The following EDN3 variants were observed in gnomAD, a reference collection of about 807,000 sequenced individuals.
EDN3 encodes the protein endothelin-3.
EDN3 carries 9 observed loss-of-function variants against 21.4 expected under a neutral mutation model. The ratio of observed to expected loss-of-function variants is 0.42; its 90% confidence interval spans 0.25 to 0.73. The LOEUF (loss-of-function observed/expected upper bound fraction) is 0.73, where lower values mean the gene tolerates loss of function less well. Ranked by LOEUF, EDN3 falls within the 30% of genes least tolerant of loss-of-function variation. EDN3 has a pLI of 0.26. For synonymous variants in EDN3, 133 were observed against 126.2 expected (o/e 1.05, Z -0.36); for missense variants, 327 against 309.4 (o/e 1.06, Z -0.43).
At chr20:59,316,785 C>G (rs1199967781) in intron 2 of EDN3, among the ~76,000 whole-genome samples, 2 of 152,130 alleles carry the variant, frequency 1.3e-5, no homozygotes, top group East Asian at 3.8e-4. Context: ...GTCACCACAC[C>G]AATCAAATAA....
intron 2 of EDN3, 108 bp downstream of exon 2, chr20:59,301,830 C>A (rs1426888751): frequency 1.6e-6 from 2 of 1,284,712 alleles, no homozygotes; most frequent in African/African-American, 1.5e-5. Context: ...TAGCCCAGAG[C>A]CTGCCCTGGC....
chr20:59,322,496 G>A lies in EDN3; in HGVS notation c.588+79G>A. The stretch of plus-strand genomic sequence containing the variant: ...ATTCCTTCGGGGGTGGGTGGAGGGT[G>A]TTTTGAGGGGATGGCATCTGGTCTG... On this transcript the variant is annotated intron_variant, in intron 4 of 4. Coordinates refer to ENST00000337938, the MANE Select transcript of EDN3 (RefSeq NM_207034.3). The surrounding 1 kb of genome is among the most constrained non-coding windows in gnomAD (Gnocchi z 4.1). 1.9e-6 allele frequency: 3 copies of A among 1,586,078 alleles called. No homozygotes were observed. Among genetic ancestry groups the A allele is most frequent in the Non-Finnish European group, 1.7e-6 (2 of 1,155,594 alleles).
intron 4 of EDN3, among the ~76,000 whole-genome samples, chr20:59,323,474 C>T (rs1040716417): frequency 6.6e-6 from 1 of 152,200 alleles, no homozygotes; most frequent in Non-Finnish European, 1.5e-5. Context: ...GCACCATTCT[C>T]GATGCTGGGG....
At chr20:59,304,021 T>A (rs1418993289) in intron 2 of EDN3, among the ~76,000 whole-genome samples, 1 of 152,096 alleles carries the variant, frequency 6.6e-6, no homozygotes, top group Non-Finnish European at 1.5e-5. Context: ...CTTCCCTCCC[T>A]TCCTGCCTCC....
At chr20:59,321,240 C>T (rs1224323867) in intron 3 of EDN3, 47 bp downstream of exon 3, 3 of 1,604,182 alleles carry the variant, frequency 1.9e-6, no homozygotes, top group Non-Finnish European at 2.6e-6. Flanking sequence ...ATGCATCAAC[C>T]CTCGGCAAGG....
intron 4 of EDN3, 110 bp from the exon 5 acceptor site, chr20:59,324,221 T>C: frequency 7.2e-7 from 1 of 1,384,562 alleles, no homozygotes; most frequent in Non-Finnish European, 1.0e-6. Context: ...GGGAACAGGC[T>C]GGAGAGGCAG....
In EDN3 at chr20:59,320,482, G is replaced by T. The variant is rs558690621; in HGVS notation, c.366-535G>T. On this transcript the variant is annotated intron_variant, in intron 2 of 4. Transcript: ENST00000337938. ...CTTGGCACAGGAAGAAAAGCCTCTG[G>T]AACAGGTGCTATGGTTGTCTTTAAT... 3.3e-5 allele frequency among the ~76,000 whole-genome samples: 5 copies of T among 152,342 alleles called. No individual in the cohort carries two copies. In the South Asian group the frequency reaches 1.0e-3, roughly 32 times the overall value.
chr20:59,314,197 C>T (rs1373428851), intron 2 of EDN3, among the ~76,000 whole-genome samples: 1 of 152,194 alleles, frequency 6.6e-6, no homozygotes, highest in African/African-American at 2.4e-5. Flanking sequence ...CTCCAGCCAG[C>T]TTACTGTGCT....
intron 3 of EDN3, 82 bp downstream of exon 3, chr20:59,321,275 G>A: frequency 6.7e-7 from 1 of 1,486,528 alleles, no homozygotes; most frequent in Non-Finnish European, 9.4e-7. Flanking sequence ...TCTCAAAGGA[G>A]GGTGTAGGAT....
Position 59,322,587 on chromosome 20 carries a change from G to A in EDN3, c.588+170G>A, listed in dbSNP as rs1270163851. The stretch of plus-strand genomic sequence containing the variant: ...CAAGCAATGGTGCCTTTGGTGGACC[G>A]TTTCTGGGGGCAGAGCGGGCTGAAG... On this transcript the variant is annotated intron_variant, in intron 4 of 4. Coordinates refer to ENST00000337938, the MANE Select transcript of EDN3 (RefSeq NM_207034.3). This position sits in a 1 kb window ranked among gnomAD's most constrained non-coding sequence, Gnocchi z 4.1. 28 of 907,554 alleles carry A rather than the reference G, an allele frequency of 3.1e-5. No individual in the cohort carries two copies. The highest frequency in any genetic ancestry group is 3.2e-4 in the Middle Eastern group (1 of 3,164). The allele number at this position is 907,554 out of a possible 1,614,324, so 56.2% of individuals were successfully genotyped here. A position where few individuals can be genotyped will look rare whatever the true frequency, so the allele number is the denominator to read the frequency against.
intron 4 of EDN3, 105 bp from the exon 5 acceptor site, chr20:59,324,226 A>C: frequency 7.1e-7 from 1 of 1,401,292 alleles, no homozygotes; most frequent in Non-Finnish European, 1.0e-6. Flanking sequence ...CAGGCTGGAG[A>C]GGCAGTGGGA....
chr20:59,317,944 A>G lies in EDN3; in HGVS notation c.366-3073A>G, dbSNP rs1990288703. 1.3e-5 allele frequency among the ~76,000 whole-genome samples: 2 copies of G among 152,206 alleles called. 1 individual carries two copies. Among genetic ancestry groups the G allele is most frequent in the Admixed American group, 1.3e-4 (2 of 15,288 alleles). On this transcript the variant is annotated intron_variant, in intron 2 of 4. Coordinates refer to ENST00000337938, the MANE Select transcript of EDN3 (RefSeq NM_207034.3). ...AGTAATCTGCCTTTAGACTTGGGTA[A>G]GAAACACTGCAACTCTGGGCCCTGT...
At chr20:59,304,399 T>C (rs1989252489) in intron 2 of EDN3, among the ~76,000 whole-genome samples, 1 of 152,214 alleles carries the variant, frequency 6.6e-6, no homozygotes, top group Non-Finnish European at 1.5e-5. Flanking sequence ...ATTCATGGAC[T>C]GGTCTCCCTC....
intron 2 of EDN3, among the ~76,000 whole-genome samples, chr20:59,318,162 T>TA (rs1399580081): frequency 6.6e-6 from 1 of 152,178 alleles, no homozygotes; most frequent in Non-Finnish European, 1.5e-5. Flanking sequence ...TCCAGGTACA[T>TA]ATCTCCAGGC....
At chr20:59,306,101 T>A (rs2146830022) in intron 2 of EDN3, among the ~76,000 whole-genome samples, 2 of 152,176 alleles carry the variant, frequency 1.3e-5, no homozygotes, top group East Asian at 3.9e-4. Flanking sequence ...CCCCGCCCCA[T>A]GAGCTGAGGG....
Position 59,300,858 on chromosome 20 carries a change from G to C in EDN3, c.46G>C (p.Ala16Pro). 1 of 1,611,222 alleles carries C rather than the reference G, an allele frequency of 6.2e-7. No homozygotes were observed. The highest frequency in any genetic ancestry group is 8.5e-7 in the Non-Finnish European group (1 of 1,179,638). Residue 16 changes from alanine to proline, a missense_variant, in exon 1 of 5, where the codon GCC (alanine) becomes CCC (proline). Ala to Pro is a conservative substitution (Grantham distance 27). Transcript: ENST00000337938. ...WLLFGLTVTS[A>P]AGFVPCSQSG... is the part of the protein sequence containing the mutation. Reference sequence around the variant, plus strand: ...CCTTTTCGGGCTCACAGTGACCTCCGCCGCAGGTAAGCGCACGGGGCGGCG... The same window carrying C: ...CCTTTTCGGGCTCACAGTGACCTCCCCCGCAGGTAAGCGCACGGGGCGGCG...
At chr20:59,323,386 A>G (rs1990663433) in intron 4 of EDN3, among the ~76,000 whole-genome samples, 2 of 152,144 alleles carry the variant, frequency 1.3e-5, no homozygotes, top group African/African-American at 4.8e-5. Flanking sequence ...AATTAAACCC[A>G]TCCATCCATT....
intron 2 of EDN3, among the ~76,000 whole-genome samples, chr20:59,315,577 T>C (rs1345193625): frequency 6.6e-6 from 1 of 152,178 alleles, no homozygotes; most frequent in African/African-American, 2.4e-5. Flanking sequence ...AACGCCTCTA[T>C]CTGTAAAGAG....
intron 2 of EDN3, among the ~76,000 whole-genome samples, chr20:59,304,585 T>A (rs995799642): frequency 3.3e-5 from 5 of 152,188 alleles, no homozygotes. Context: ...GAATCAACAC[T>A]CCTAGTTGAT....
Sources: allele counts gnomAD v4.1 joint callset (sites outside exome capture counted in the v4.1 genomes callset), GRCh38; gene constraint gnomAD v4.1.1; non-coding constraint Gnocchi (gnomAD v3.1); transcripts MANE v1.5; gene names NCBI Gene and HGNC (gene_info 2026-07-23, HGNC 2026-07-21).